The following AUTS2 variants were observed in gnomAD, a reference collection of about 807,000 sequenced individuals.
The protein encoded by AUTS2 is autism susceptibility gene 2 protein.
In AUTS2, 17 loss-of-function variants were observed where a neutral mutation model predicts 112.4. The ratio of observed to expected loss-of-function variants is 0.15; its 90% confidence interval spans 0.10 to 0.23. AUTS2 has a LOEUF of 0.23. Among genes scored for constraint, AUTS2 ranks in the 10% least tolerant of loss-of-function variants. AUTS2 has a pLI of 1.00. For missense variants in AUTS2, 1,510 were observed against 1,701.6 expected, an observed-to-expected ratio of 0.89 and a Z score of 1.98; for synonymous variants, 751 against 702.7, an observed-to-expected ratio of 1.07 and a Z score of -1.09.
intron 1 of AUTS2, among the ~76,000 whole-genome samples, chr7:69,697,548 C>T (rs1452521373): frequency 6.6e-6 from 1 of 152,150 alleles, no homozygotes; most frequent in African/African-American, 2.4e-5. Flanking sequence ...TTTTCTCAGA[C>T]TGTCTTAGCT....
chr7:69,786,271 C>CT (rs1447205138), intron 1 of AUTS2, among the ~76,000 whole-genome samples: 1 of 152,184 alleles, frequency 6.6e-6, no homozygotes, highest in African/African-American at 2.4e-5. Context: ...AATCAGCACT[C>CT]TGTTAAAATG....
intron 5 of AUTS2, among the ~76,000 whole-genome samples, chr7:70,503,048 C>A (rs981081159): frequency 1.3e-5 from 2 of 152,070 alleles, no homozygotes; most frequent in Non-Finnish European, 2.9e-5. Context: ...AAGTGCTCCC[C>A]AGGGTGGGGA....
At chr7:69,829,741 T>C (rs1457904537) in intron 1 of AUTS2, among the ~76,000 whole-genome samples, 6 of 152,118 alleles carry the variant, frequency 3.9e-5, no homozygotes, top group Non-Finnish European at 8.8e-5. Context: ...AAACAACAGA[T>C]GCTGGAGAGG....
At chr7:70,206,607 A>T (rs537903981) in intron 4 of AUTS2, among the ~76,000 whole-genome samples, 1 of 152,296 alleles carries the variant, frequency 6.6e-6, no homozygotes, top group East Asian at 1.9e-4. Flanking sequence ...TGTCTCAAGG[A>T]TGAAATGAGG....
intron 4 of AUTS2, among the ~76,000 whole-genome samples, chr7:70,207,642 T>C (rs1584876548): frequency 2.0e-5 from 3 of 152,152 alleles, no homozygotes; most frequent in African/African-American, 7.2e-5. Context: ...GTCCATACCT[T>C]ATAGGAATGT....
chr7:70,241,677 T>C (rs1262157815), intron 4 of AUTS2, among the ~76,000 whole-genome samples: 2 of 152,178 alleles, frequency 1.3e-5, no homozygotes, highest in Admixed American at 1.3e-4. Flanking sequence ...AGAAATGCAG[T>C]ATGAACAAAC....
intron 2 of AUTS2, among the ~76,000 whole-genome samples, chr7:70,083,292 A>G (rs1460280303): frequency 6.6e-6 from 1 of 152,128 alleles, no homozygotes. Context: ...AAAACCATCA[A>G]TAGGAGCTTC....
intron 4 of AUTS2, among the ~76,000 whole-genome samples, chr7:70,296,824 A>G (rs1284613065): frequency 6.8e-6 from 1 of 147,380 alleles, no homozygotes; most frequent in Non-Finnish European, 1.5e-5. Context: ...ATTGATATGT[A>G]TTTCCCTGGG....
chr7:69,976,800 T>G (rs911090681), intron 2 of AUTS2, among the ~76,000 whole-genome samples: 1 of 152,314 alleles, frequency 6.6e-6, no homozygotes, highest in Admixed American at 6.5e-5. Flanking sequence ...TTGTTTTTCA[T>G]TGTTTGGTTG....
chr7:70,100,831 A>G (rs1340466169), intron 2 of AUTS2, among the ~76,000 whole-genome samples: 1 of 152,186 alleles, frequency 6.6e-6, no homozygotes, highest in Non-Finnish European at 1.5e-5. Context: ...AGCTGTCATG[A>G]AGGATAGGTA....
At chr7:69,982,276 A>C (rs919644194) in intron 2 of AUTS2, among the ~76,000 whole-genome samples, 4 of 152,182 alleles carry the variant, frequency 2.6e-5, no homozygotes, top group African/African-American at 7.2e-5. Context: ...AGCTCAGCAC[A>C]GTGAATACTA....
chr7:70,465,961 C>T (rs1238290810), intron 5 of AUTS2, among the ~76,000 whole-genome samples: 1 of 152,056 alleles, frequency 6.6e-6, no homozygotes, highest in Non-Finnish European at 1.5e-5. Flanking sequence ...TGGAAAGTCT[C>T]GGGCAGAAGG....
intron 5 of AUTS2, among the ~76,000 whole-genome samples, chr7:70,494,372 A>G (rs1299696027): frequency 2.0e-5 from 3 of 152,160 alleles, no homozygotes; most frequent in African/African-American, 7.2e-5. Flanking sequence ...TATCTTGAAA[A>G]GCATTGTTGG....
At chr7:70,311,599 C>T (rs1331864345) in intron 4 of AUTS2, among the ~76,000 whole-genome samples, 2 of 152,118 alleles carry the variant, frequency 1.3e-5, no homozygotes, top group Non-Finnish European at 2.9e-5. Flanking sequence ...TTCTGTCACC[C>T]GGGGTGGAGT....
intron 4 of AUTS2, among the ~76,000 whole-genome samples, chr7:70,250,578 A>G (rs889473281): frequency 3.3e-5 from 5 of 152,198 alleles, no homozygotes; most frequent in Non-Finnish European, 7.3e-5. Context: ...TTAATTATAC[A>G]TGTACTATTT....
At chr7:70,097,107 C>A (rs1410641495) in intron 2 of AUTS2, among the ~76,000 whole-genome samples, 1 of 152,148 alleles carries the variant, frequency 6.6e-6, no homozygotes, top group Non-Finnish European at 1.5e-5. Context: ...TGCTATGGTT[C>A]AAATACTCAT....
chr7:70,393,556 T>TG (rs1793957250), intron 4 of AUTS2, among the ~76,000 whole-genome samples: 1 of 152,130 alleles, frequency 6.6e-6, no homozygotes, highest in Non-Finnish European at 1.5e-5. Context: ...TTATCCTGGG[T>TG]AGTCTGTGTC....
chr7:69,600,698 C>T (rs1792352260), intron 1 of AUTS2, among the ~76,000 whole-genome samples: 2 of 151,754 alleles, frequency 1.3e-5, no homozygotes, highest in Admixed American at 1.3e-4. Flanking sequence ...ATTATCTATA[C>T]ACATACATAG....
At chr7:70,722,762 GA>G (rs1563152675) in intron 6 of AUTS2, among the ~76,000 whole-genome samples, 1 of 152,144 alleles carries the variant, frequency 6.6e-6, no homozygotes, top group Admixed American at 6.5e-5. Flanking sequence ...ATAAATGTTA[GA>G]AAATCCTGTC....
Sources: allele counts gnomAD v4.1 joint callset (sites outside exome capture counted in the v4.1 genomes callset), GRCh38; gene constraint gnomAD v4.1.1; transcripts MANE v1.5; gene names NCBI Gene and HGNC (gene_info 2026-07-23, HGNC 2026-07-21).